NAALADL2: variants seen among roughly 807,000 people sequenced by gnomAD.
The protein encoded by NAALADL2 is inactive N-acetylated-alpha-linked acidic dipeptidase-like protein 2.
A neutral mutation model predicts 87.2 loss-of-function variants in NAALADL2; 76 were observed. That is an observed-to-expected ratio of 0.87 (90% CI 0.72 to 1.05). NAALADL2 has a LOEUF of 1.05. Among genes scored for constraint, NAALADL2 ranks in the 50% least tolerant of loss-of-function variants. NAALADL2 has a pLI of 0.00. For synonymous variants in NAALADL2, 354 were observed against 331.0 expected (o/e 1.07, Z -0.75); for missense variants, 1,089 against 945.8 (o/e 1.15, Z -1.99).
intron 12 of NAALADL2, among the ~76,000 whole-genome samples, chr3:175,751,929 C>T (rs1434719255): frequency 6.6e-6 from 1 of 151,890 alleles, no homozygotes; most frequent in Non-Finnish European, 1.5e-5. Flanking sequence ...ACAATAGCCT[C>T]TTTTCTTTTA....
intron 1 of NAALADL2, among the ~76,000 whole-genome samples, chr3:174,864,332 G>A (rs1029152920): frequency 1.3e-5 from 2 of 152,054 alleles, no homozygotes; most frequent in African/African-American, 4.8e-5. Flanking sequence ...GGCAAGCAGT[G>A]TACTTGAATA....
intron 3 of NAALADL2, among the ~76,000 whole-genome samples, chr3:174,787,604 T>TATATATATATAAACAC (rs1553855444): frequency 1.1e-5 from 1 of 87,944 alleles, no homozygotes; most frequent in Non-Finnish European, 2.4e-5. Context: ...TATATATATA[T>TATATATATATAAACAC]ATATATATAT....
chr3:174,691,945 T>C (rs1271896796), intron 2 of NAALADL2: 1 of 152,182 alleles, frequency 6.6e-6, no homozygotes, highest in African/African-American at 2.4e-5. Context: ...TAATTCAATT[T>C]CTCTTGCTAC....
At chr3:175,800,130 G>C (rs938927267) in intron 13 of NAALADL2, among the ~76,000 whole-genome samples, 2 of 152,136 alleles carry the variant, frequency 1.3e-5, no homozygotes, top group African/African-American at 2.4e-5. Context: ...TCCCAGGCCA[G>C]GTGACCACAA....
intron 1 of NAALADL2, among the ~76,000 whole-genome samples, chr3:175,087,779 G>A (rs967147830): frequency 3.3e-5 from 5 of 151,870 alleles, no homozygotes; most frequent in East Asian, 1.9e-4. Flanking sequence ...GCAAAAGGCC[G>A]CAGGGTCCTC....
At chr3:175,085,705 G>T (rs980092987) in intron 1 of NAALADL2, among the ~76,000 whole-genome samples, 1 of 152,158 alleles carries the variant, frequency 6.6e-6, no homozygotes, top group Non-Finnish European at 1.5e-5. Context: ...AGATCATGAG[G>T]TCAAGAGATC....
chr3:175,611,349 A>G (rs950270157), intron 10 of NAALADL2, among the ~76,000 whole-genome samples: 1 of 152,108 alleles, frequency 6.6e-6, no homozygotes, highest in Non-Finnish European at 1.5e-5. Context: ...GAGAATTGTC[A>G]TTTGTAAAAT....
chr3:174,644,057 G>T (rs915837479), intron 2 of NAALADL2, among the ~76,000 whole-genome samples: 4 of 152,192 alleles, frequency 2.6e-5, no homozygotes, highest in Non-Finnish European at 5.9e-5. Context: ...ATCCACTCAT[G>T]TTAAAAATCA....
chr3:175,588,912 T>C (rs1241826484), intron 10 of NAALADL2, among the ~76,000 whole-genome samples: 1 of 152,192 alleles, frequency 6.6e-6, no homozygotes, highest in Admixed American at 6.5e-5. Context: ...GTTTACTAAT[T>C]GCCATCAACT....
chr3:174,445,539 C>T (rs1714992174), intron 1 of NAALADL2, among the ~76,000 whole-genome samples: 1 of 152,000 alleles, frequency 6.6e-6, no homozygotes, highest in African/African-American at 2.4e-5. Context: ...TTACGTGGTA[C>T]ATTCAAAGAA....
At chr3:175,216,190 A>T (rs1447831879) in intron 2 of NAALADL2, among the ~76,000 whole-genome samples, 1 of 152,200 alleles carries the variant, frequency 6.6e-6, no homozygotes, top group South Asian at 2.1e-4. Flanking sequence ...AAGAAAAAAG[A>T]TGACCAATTT....
intron 10 of NAALADL2, among the ~76,000 whole-genome samples, chr3:175,583,486 G>C (rs958253724): frequency 2.6e-4 from 23 of 87,794 alleles, no homozygotes; most frequent in African/African-American, 9.0e-4. Context: ...GAAAGGATGA[G>C]CTGCAAAAAA....
chr3:175,415,406 TCTTG>T (rs1303167396), intron 5 of NAALADL2, among the ~76,000 whole-genome samples: 54 of 152,330 alleles, frequency 3.5e-4, no homozygotes, highest in East Asian at 7.7e-4. Context: ...TGCATGGTAC[TCTTG>T]CTTGCTATCA....
chr3:175,437,896 TG>T (rs1219256447), intron 5 of NAALADL2, among the ~76,000 whole-genome samples: 3 of 138,162 alleles, frequency 2.2e-5, no homozygotes, highest in African/African-American at 9.3e-5. Context: ...TAAATATAAC[TG>T]TTGTTATGAC....
intron 2 of NAALADL2, among the ~76,000 whole-genome samples, chr3:175,125,287 C>A (rs550765899): frequency 6.6e-6 from 1 of 151,748 alleles, no homozygotes; most frequent in East Asian, 1.9e-4. Flanking sequence ...CATTGTAAGT[C>A]GAGTTTGTTT....
intron 2 of NAALADL2, among the ~76,000 whole-genome samples, chr3:174,600,882 C>T (rs1718384385): frequency 6.6e-6 from 1 of 152,030 alleles, no homozygotes. Context: ...CCCACCAGGC[C>T]CCATCTCCAA....
At chr3:175,441,638 T>C (rs1258769588) in intron 5 of NAALADL2, among the ~76,000 whole-genome samples, 1 of 151,014 alleles carries the variant, frequency 6.6e-6, no homozygotes, top group African/African-American at 2.4e-5. Context: ...GAAGGATCTG[T>C]ACAACATTGA....
intron 5 of NAALADL2, among the ~76,000 whole-genome samples, chr3:175,429,450 A>G (rs1717381926): frequency 6.6e-6 from 1 of 151,968 alleles, no homozygotes; most frequent in Admixed American, 6.6e-5. Flanking sequence ...AGGCCTTTAC[A>G]TATGTAGTTT....
At chr3:174,915,928 G>C (rs1460007039) in intron 1 of NAALADL2, among the ~76,000 whole-genome samples, 1 of 152,108 alleles carries the variant, frequency 6.6e-6, no homozygotes, top group Non-Finnish European at 1.5e-5. Context: ...AATCAGCAGA[G>C]TAAACAGGCA....
Sources: gnomAD v4.1 joint callset for allele counts (sites outside exome capture counted in the v4.1 genomes callset) on GRCh38, gnomAD v4.1.1 for gene constraint, MANE v1.5 for transcripts, NCBI Gene and HGNC (gene_info 2026-07-23, HGNC 2026-07-21) for gene names.